Variants in TENM2 observed in about 807,000 individuals in gnomAD.
TENM2 encodes teneurin transmembrane protein 2.
A neutral mutation model predicts 245.2 loss-of-function variants in TENM2; 52 were observed. That is an observed-to-expected ratio of 0.21 (90% CI 0.17 to 0.27). The LOEUF is 0.27. Among genes scored for constraint, TENM2 ranks in the 10% least tolerant of loss-of-function variants. The probability of loss-of-function intolerance (pLI) is 1.00; values close to 1 mark genes in which losing one functional copy is unlikely to be tolerated. For synonymous variants in TENM2, 1,363 were observed against 1,438.9 expected (o/e 0.95, Z 1.19); for missense variants, 3,046 against 3,666.8 (o/e 0.83, Z 4.37).
chr5:168,177,518 T>G (rs929582950), intron 13 of TENM2, among the ~76,000 whole-genome samples: 1 of 151,882 alleles, frequency 6.6e-6, no homozygotes, highest in Non-Finnish European at 1.5e-5. Context: ...TAATTCCTAT[T>G]ATCTACACCA....
intron 13 of TENM2, among the ~76,000 whole-genome samples, chr5:168,175,909 G>A (rs998893781): frequency 2.0e-5 from 3 of 152,158 alleles, no homozygotes; most frequent in Non-Finnish European, 4.4e-5. Context: ...CAAAGTCTTA[G>A]CCCTTTGACG....
intron 2 of TENM2, among the ~76,000 whole-genome samples, chr5:167,859,067 G>A (rs1222482968): frequency 2.5e-4 from 36 of 146,460 alleles, no homozygotes; most frequent in African/African-American, 2.7e-4. Context: ...GAAGTGAGGA[G>A]CGTCTCTGCC....
chr5:167,384,591 A>G (rs10076753), intron 2 of TENM2, among the ~76,000 whole-genome samples: 81,504 of 152,064 alleles, frequency 0.54, 23,000 homozygotes, highest in African/African-American at 0.73. Flanking sequence ...AAGGAGTTAA[A>G]GTCTGATCAA....
chr5:167,217,654 T>C, the TENM2 span, among the ~76,000 whole-genome samples: 1 of 150,684 alleles, frequency 6.6e-6, no homozygotes, highest in African/African-American at 2.4e-5. Flanking sequence ...CCAAATGGCA[T>C]TGTTTATTTG....
At chr5:167,006,478 A>G in the TENM2 span, among the ~76,000 whole-genome samples, 1 of 152,176 alleles carries the variant, frequency 6.6e-6, no homozygotes, top group African/African-American at 2.4e-5. Flanking sequence ...AGAAACTTTT[A>G]AAATCAGCCT....
chr5:168,099,744 G>C (rs554672594), intron 9 of TENM2, among the ~76,000 whole-genome samples: 1 of 152,148 alleles, frequency 6.6e-6, no homozygotes, highest in Non-Finnish European at 1.5e-5. Context: ...AAAGATGTGA[G>C]GGTTCCAGGC....
At chr5:167,300,170 G>C (rs1755223144) in intron 1 of TENM2, among the ~76,000 whole-genome samples, 1 of 152,180 alleles carries the variant, frequency 6.6e-6, no homozygotes, top group African/African-American at 2.4e-5. Context: ...AGGTTTGGGA[G>C]ATTAGTCGGA....
intron 2 of TENM2, among the ~76,000 whole-genome samples, chr5:167,397,236 T>A (rs972341248): frequency 6.6e-6 from 1 of 150,990 alleles, no homozygotes; most frequent in Non-Finnish European, 1.5e-5. Flanking sequence ...TAGGAGAGAA[T>A]GCAGGAAAAT....
At chr5:167,334,463 T>A (rs1347322495) in intron 1 of TENM2, among the ~76,000 whole-genome samples, 1 of 152,234 alleles carries the variant, frequency 6.6e-6, no homozygotes, top group Non-Finnish European at 1.5e-5. Flanking sequence ...CGACACTAGC[T>A]CTACCTCTTT....
intron 25 of TENM2, among the ~76,000 whole-genome samples, chr5:168,232,517 C>T (rs1321759149): frequency 6.6e-6 from 1 of 152,194 alleles, no homozygotes; most frequent in Non-Finnish European, 1.5e-5. Context: ...TCACTGCTCC[C>T]CATGTGGAGA....
chr5:167,875,883 T>C (rs1389119285), intron 2 of TENM2, 103 bp from the exon 5 acceptor site: 4 of 731,376 alleles, frequency 5.5e-6, no homozygotes, highest in Non-Finnish European at 6.7e-6. Flanking sequence ...TTCTTTTTTT[T>C]TTTTTTTAAT....
At chr5:167,391,406 A>C (rs1272928347) in intron 2 of TENM2, among the ~76,000 whole-genome samples, 1 of 152,006 alleles carries the variant, frequency 6.6e-6, no homozygotes, top group African/African-American at 2.4e-5. Context: ...CGAGCAGATC[A>C]CTTGAGGTCA....
chr5:167,223,023 T>G, the TENM2 span, among the ~76,000 whole-genome samples: 1 of 152,030 alleles, frequency 6.6e-6, no homozygotes, highest in Non-Finnish European at 1.5e-5. Flanking sequence ...TTCAATAGGA[T>G]TTTTTTTATT....
intron 2 of TENM2, among the ~76,000 whole-genome samples, chr5:167,637,573 A>G (rs1365172723): frequency 6.6e-6 from 1 of 152,192 alleles, no homozygotes; most frequent in African/African-American, 2.4e-5. Context: ...ACCAACCCCA[A>G]TGCCCATCAA....
intron 3 of TENM2, among the ~76,000 whole-genome samples, chr5:167,893,142 GCTGCTCAGAAATTCCTGT>G (rs1404464730): frequency 1.3e-5 from 2 of 152,110 alleles, no homozygotes; most frequent in Non-Finnish European, 2.9e-5. Context: ...CTGGGTTTGG[GCTGCTCAGAAATTCCTGT>G]CTGTGATAAA....
chr5:167,837,120 T>C (rs1277307082), intron 2 of TENM2, among the ~76,000 whole-genome samples: 1 of 151,792 alleles, frequency 6.6e-6, no homozygotes, highest in African/African-American at 2.4e-5. Context: ...GGATAGTGTT[T>C]TATAATATAT....
At chr5:167,947,334 C>T (rs534582450) in intron 3 of TENM2, among the ~76,000 whole-genome samples, 204 of 152,234 alleles carry the variant, frequency 1.3e-3, no homozygotes, top group African/African-American at 4.8e-3. Context: ...ATGAATTGTG[C>T]TAGGCTCCTT....
chr5:167,566,684 G>C (rs1016007427), intron 2 of TENM2, among the ~76,000 whole-genome samples: 1 of 152,126 alleles, frequency 6.6e-6, no homozygotes, highest in Admixed American at 6.5e-5. Context: ...TCCATATTGA[G>C]AAACATCAGT....
At chr5:167,294,874 T>G (rs1012785466) in intron 1 of TENM2, among the ~76,000 whole-genome samples, 1 of 152,312 alleles carries the variant, frequency 6.6e-6, no homozygotes, top group South Asian at 2.1e-4. Flanking sequence ...CTATGTCTAT[T>G]TTTTTCTTGT....
Sources: gnomAD v4.1 joint callset for allele counts (sites outside exome capture counted in the v4.1 genomes callset) on GRCh38, gnomAD v4.1.1 for gene constraint, MANE v1.5 for transcripts, NCBI Gene and HGNC (gene_info 2026-07-23, HGNC 2026-07-21) for gene names.